NEO1: variants seen among roughly 807,000 people sequenced by gnomAD.
The protein encoded by NEO1 is neogenin.
Under a neutral mutation model 159.7 loss-of-function variants are expected in NEO1, and 63 were observed. The ratio of observed to expected loss-of-function variants is 0.39; its 90% CI spans 0.32 to 0.49. The LOEUF is 0.49. NEO1 is among the 20% of genes least tolerant of loss of function. The pLI, the probability that NEO1 is intolerant of heterozygous loss-of-function variation, is 0.85. For synonymous variants in NEO1, 633 were observed against 662.0 expected, an observed-to-expected ratio of 0.96 and a Z score of 0.67; for missense variants, 1,615 against 1,831.0, an observed-to-expected ratio of 0.88 and a Z score of 2.15.
At chr15:73,110,101 T>C (rs922516) in intron 1 of NEO1, among the ~76,000 whole-genome samples, 81,638 of 151,942 alleles carry the variant, frequency 0.54, 22,293 homozygotes, top group Middle Eastern at 0.6. Flanking sequence ...TAGTTGAGAA[T>C]TTGAAGCAAG....
rs1165907608 is a variant in NEO1, at chr15:73,052,746, TCGGGCGC to T, written c.88_94del (p.Gly30ArgfsTer41). ...TTCTGGCTCTACTGCCTGCTGCTGC[TCGGGCGC>T]CGGGCGCCGGGCGCCGCGGCCGCCA... On this transcript the variant is annotated frameshift_variant, in exon 1 of 29. Transcript: ENST00000261908. LOFTEE classifies it high-confidence loss of function. 1.9e-5 allele frequency: 24 copies of T among 1,289,044 alleles called. No individual in the cohort carries two copies. The highest frequency in any genetic ancestry group is 4.7e-5 in the African/African-American group (3 of 63,346). 79.9% of individuals were successfully genotyped at this position (1,289,044 alleles called of 1,614,324 possible). A position where few individuals can be genotyped will look rare whatever the true frequency, so the allele number is the denominator to read the frequency against.
At chr15:73,293,817 C>G (rs2042250571) in intron 26 of NEO1, among the ~76,000 whole-genome samples, 1 of 152,200 alleles carries the variant, frequency 6.6e-6, no homozygotes, top group Non-Finnish European at 1.5e-5. Context: ...TAAACTTGCA[C>G]TTTAACTCAG....
At chr15:73,279,823 G>A (rs982007703) in intron 22 of NEO1, among the ~76,000 whole-genome samples, 8 of 152,146 alleles carry the variant, frequency 5.3e-5, no homozygotes, top group Non-Finnish European at 7.3e-5. Context: ...GGACATTCCA[G>A]GAAGCAATAT....
At chr15:73,206,475 T>A (rs563843001) in intron 7 of NEO1, among the ~76,000 whole-genome samples, 1 of 152,256 alleles carries the variant, frequency 6.6e-6, no homozygotes, top group Admixed American at 6.5e-5. Context: ...AGCACTCTTT[T>A]TGGGGAAGGA....
chr15:73,218,240 G>A (rs202048421), intron 7 of NEO1, among the ~76,000 whole-genome samples: 12 of 150,994 alleles, frequency 7.9e-5, no homozygotes, highest in East Asian at 5.8e-4. Flanking sequence ...ATTGATTTGC[G>A]TATATTGAAC....
chr15:73,133,205 A>G (rs1596095761), intron 4 of NEO1, among the ~76,000 whole-genome samples: 1 of 152,184 alleles, frequency 6.6e-6, no homozygotes, highest in African/African-American at 2.4e-5. Flanking sequence ...ATATATACAC[A>G]TACTACTCAG....
At chr15:73,250,434 A>T (rs1251969642) in intron 11 of NEO1, among the ~76,000 whole-genome samples, 2 of 152,206 alleles carry the variant, frequency 1.3e-5, no homozygotes, top group African/African-American at 4.8e-5. Context: ...TCTTACGTAA[A>T]CACACATGCT....
chr15:73,241,366 G>C (rs1200882835), intron 8 of NEO1, among the ~76,000 whole-genome samples: 1 of 152,108 alleles, frequency 6.6e-6, no homozygotes, highest in Non-Finnish European at 1.5e-5. Context: ...TATGGCCCCG[G>C]AGCTAAGAAT....
chr15:73,263,107 C>G (rs1430981483), intron 15 of NEO1, among the ~76,000 whole-genome samples: 3 of 150,744 alleles, frequency 2.0e-5, no homozygotes, highest in Non-Finnish European at 4.4e-5. Flanking sequence ...GGTTATGATG[C>G]AAGGTATATA....
At chr15:73,148,871 C>G (rs1420142965) in intron 5 of NEO1, among the ~76,000 whole-genome samples, 1 of 149,016 alleles carries the variant, frequency 6.7e-6, no homozygotes, top group Non-Finnish European at 1.5e-5. Flanking sequence ...TTTTTTTGGC[C>G]AGGGAACTCA....
At chr15:73,061,884 T>C (rs1454127559) in intron 1 of NEO1, among the ~76,000 whole-genome samples, 1 of 152,246 alleles carries the variant, frequency 6.6e-6, no homozygotes, top group Non-Finnish European at 1.5e-5. Context: ...GTTGTGTTGA[T>C]AGCCATATGA....
intron 2 of NEO1, among the ~76,000 whole-genome samples, chr15:73,122,059 GTGTGTATA>G (rs1311347422): frequency 5.6e-5 from 3 of 53,702 alleles, no homozygotes; most frequent in African/African-American, 3.0e-4. Context: ...GTGTGTGTGT[GTGTGTATA>G]TATATATATA....
chr15:73,184,726 G>T (rs376847246), intron 7 of NEO1, among the ~76,000 whole-genome samples: 1 of 152,096 alleles, frequency 6.6e-6, no homozygotes, highest in Non-Finnish European at 1.5e-5. Context: ...GCAGGAGTTC[G>T]AGACCAGCTT....
chr15:73,253,894 T>C (rs2040207689), intron 12 of NEO1, among the ~76,000 whole-genome samples: 1 of 152,234 alleles, frequency 6.6e-6, no homozygotes, highest in African/African-American at 2.4e-5. Flanking sequence ...GGCAGACCTC[T>C]GTCAGATTGG....
chr15:73,262,377 A>G (rs937226684), intron 15 of NEO1, among the ~76,000 whole-genome samples: 1 of 152,226 alleles, frequency 6.6e-6, no homozygotes, highest in Non-Finnish European at 1.5e-5. Context: ...AAAGAATTTG[A>G]GTCCAAAATA....
At chr15:73,251,565 G>A (rs1018711608) in intron 11 of NEO1, among the ~76,000 whole-genome samples, 16 of 151,422 alleles carry the variant, frequency 1.1e-4, no homozygotes, top group African/African-American at 3.4e-4. Context: ...AATTACAGGC[G>A]GTTATACCTT....
At chr15:73,068,946 T>C (rs1201160954) in intron 1 of NEO1, among the ~76,000 whole-genome samples, 1 of 139,396 alleles carries the variant, frequency 7.2e-6, no homozygotes, top group African/African-American at 2.6e-5. Flanking sequence ...AAACCTTTGA[T>C]AGAGTGGGGC....
chr15:73,154,385 G>T (rs1282629010), intron 5 of NEO1, among the ~76,000 whole-genome samples: 1 of 152,066 alleles, frequency 6.6e-6, no homozygotes, highest in Admixed American at 6.5e-5. Flanking sequence ...ATTTAAAAAT[G>T]TACAATAAAT....
At chr15:73,175,087 C>A (rs903597836) in intron 5 of NEO1, among the ~76,000 whole-genome samples, 1 of 151,918 alleles carries the variant, frequency 6.6e-6, no homozygotes, top group Admixed American at 6.6e-5. Context: ...TGCAATAGGC[C>A]AAAAAAGTTC....
Sources: gnomAD v4.1 joint callset for allele counts (sites outside exome capture counted in the v4.1 genomes callset) on GRCh38, gnomAD v4.1.1 for gene constraint, MANE v1.5 for transcripts, NCBI Gene and HGNC (gene_info 2026-07-23, HGNC 2026-07-21) for gene names.